The following BMPR1B variants were observed in gnomAD, a reference collection of about 807,000 sequenced individuals.
BMPR1B encodes bone morphogenetic protein receptor type 1B.
A neutral mutation model predicts 59.1 loss-of-function variants in BMPR1B; 12 were observed. The observed-to-expected ratio is 0.20, with a 90% CI of 0.13 to 0.33. The LOEUF is 0.33. Among genes scored for constraint, BMPR1B ranks in the 10% least tolerant of loss-of-function variants. BMPR1B has a pLI of 1.00. For missense variants in BMPR1B, 550 were observed against 610.9 expected (o/e 0.90, Z 1.05); for synonymous variants, 237 against 207.3 (o/e 1.14, Z -1.23).
In BMPR1B at chr4:94,963,870, A is replaced by C. The variant is rs186124792; in HGVS notation, c.-112-32170A>C. 7.2e-4 allele frequency among the ~76,000 whole-genome samples: 109 copies of C among 152,200 alleles called. 1 individual carries two copies. In the East Asian group the frequency reaches 0.014, roughly 20 times the overall value. ...ATTGTTTTCTCTATTTCTGTGAAGA[A>C]TGTCATTGATATTTTCATAGGGATT... On this transcript the variant is annotated intron_variant, in intron 2 of 12. Coordinates refer to ENST00000515059, the MANE Select transcript of BMPR1B (RefSeq NM_001203.3).
intron 3 of BMPR1B, among the ~76,000 whole-genome samples, chr4:95,041,162 T>G (rs1000702249): frequency 6.6e-6 from 1 of 152,176 alleles, no homozygotes; most frequent in African/African-American, 2.4e-5. Flanking sequence ...TCCTCCCACC[T>G]CAGCCTCCTG....
At chr4:95,032,144 G>A (rs1046738617) in intron 3 of BMPR1B, among the ~76,000 whole-genome samples, 2 of 152,054 alleles carry the variant, frequency 1.3e-5, no homozygotes, top group Non-Finnish European at 2.9e-5. Flanking sequence ...TCTGGGGACT[G>A]GGAAATGCAA....
chr4:95,132,440 G>A (rs772662624), intron 10 of BMPR1B, among the ~76,000 whole-genome samples: 6 of 152,172 alleles, frequency 3.9e-5, no homozygotes, highest in Non-Finnish European at 7.3e-5. Flanking sequence ...ACTGAAGGCT[G>A]AGGTGTGATT....
intron 1 of BMPR1B, among the ~76,000 whole-genome samples, chr4:94,866,163 C>A (rs1726231172): frequency 6.6e-6 from 1 of 152,140 alleles, no homozygotes; most frequent in South Asian, 2.1e-4. Flanking sequence ...TTTCTCATTC[C>A]TACTTAGGAG....
At chr4:94,875,809 G>GT (rs1282072657) in intron 1 of BMPR1B, 22 bp from the exon 2 acceptor site, 3 of 152,610 alleles carry the variant, frequency 2.0e-5, no homozygotes, top group Non-Finnish European at 4.4e-5. Flanking sequence ...TAGCAATTCA[G>GT]TTTTTGTCTC....
Position 95,154,667 on chromosome 4 carries a change from ACT to A in BMPR1B, c.1506_1507del (p.Ter503IlefsTer6), listed in dbSNP as rs1443065466. Reference sequence around the variant, plus strand: ...AAATGTCAGAGTCCCAGGACATTAAACTCTGATAGGAGAGGAAAAGTAAGCAT... The same window carrying A: ...AAATGTCAGAGTCCCAGGACATTAAACTGATAGGAGAGGAAAAGTAAGCAT... ...AKMSESQDIK[L>X] On this transcript the variant is annotated frameshift_variant, in exon 13 of 13. Transcript: ENST00000515059. LOFTEE classifies it high-confidence loss of function. The A allele has an allele frequency of 6.2e-7, 1 of 1,613,900 alleles. No individual in the cohort carries two copies. The highest frequency in any genetic ancestry group is 8.5e-7 in the Non-Finnish European group (1 of 1,179,952).
chr4:95,107,948 T>A (rs529541237), intron 4 of BMPR1B, among the ~76,000 whole-genome samples: 15 of 152,206 alleles, frequency 9.9e-5, no homozygotes, highest in Admixed American at 3.3e-4. Context: ...TCCAGGACTT[T>A]CTACTTCCAT....
intron 3 of BMPR1B, among the ~76,000 whole-genome samples, chr4:94,998,683 C>G (rs1722236703): frequency 6.6e-6 from 1 of 152,038 alleles, no homozygotes; most frequent in Non-Finnish European, 1.5e-5. Flanking sequence ...TGCTGCATTA[C>G]TTTTAGAAGG....
chr4:95,148,953 A>T (rs772043525), intron 11 of BMPR1B, 30 bp downstream of exon 11: 1 of 1,610,576 alleles, frequency 6.2e-7, no homozygotes, highest in Non-Finnish European at 8.5e-7. Context: ...TTGAAAAGCT[A>T]CTATTGGAGC....
At chr4:94,811,478 C>T (rs932690276) in intron 1 of BMPR1B, among the ~76,000 whole-genome samples, 6 of 152,024 alleles carry the variant, frequency 3.9e-5, no homozygotes, top group African/African-American at 1.2e-4. Flanking sequence ...GCTGTTTGCT[C>T]GAATAGCTGT....
At chr4:94,781,897 C>A (rs1722604472) in intron 1 of BMPR1B, among the ~76,000 whole-genome samples, 1 of 151,974 alleles carries the variant, frequency 6.6e-6, no homozygotes, top group South Asian at 2.1e-4. Flanking sequence ...TGCAAAGAGT[C>A]ATATTTATTT....
At chr4:95,029,968 T>G (rs1724707043) in intron 3 of BMPR1B, among the ~76,000 whole-genome samples, 1 of 151,944 alleles carries the variant, frequency 6.6e-6, no homozygotes, top group Non-Finnish European at 1.5e-5. Context: ...GGGTTGTTTG[T>G]TTTTTTCTTG....
intron 1 of BMPR1B, among the ~76,000 whole-genome samples, chr4:94,789,985 T>G (rs1722914653): frequency 1.3e-5 from 2 of 152,134 alleles, no homozygotes; most frequent in African/African-American, 4.8e-5. Flanking sequence ...ATGATCCACT[T>G]CCACTCAATG....
intron 3 of BMPR1B, among the ~76,000 whole-genome samples, chr4:95,084,755 T>C (rs1251094038): frequency 6.6e-6 from 1 of 152,216 alleles, no homozygotes; most frequent in Non-Finnish European, 1.5e-5. Context: ...TATGTTTGTC[T>C]AAGTCTTTTC....
intron 8 of BMPR1B, among the ~76,000 whole-genome samples, chr4:95,129,550 G>T (rs1733154233): frequency 1.3e-5 from 2 of 152,128 alleles, no homozygotes; most frequent in African/African-American, 4.8e-5. Context: ...ACGGGGAAGT[G>T]CAAGTATTCT....
chr4:94,934,113 T>C (rs1435609703), intron 2 of BMPR1B, among the ~76,000 whole-genome samples: 2 of 152,164 alleles, frequency 1.3e-5, no homozygotes, highest in African/African-American at 2.4e-5. Flanking sequence ...TTTGGAAATA[T>C]GTGATTTGGT....
intron 2 of BMPR1B, among the ~76,000 whole-genome samples, chr4:94,900,519 C>G (rs1032315885): frequency 3.6e-4 from 54 of 151,902 alleles, no homozygotes; most frequent in African/African-American, 1.2e-3. Flanking sequence ...CAGCTAAATA[C>G]AATGCAAGTG....
intron 3 of BMPR1B, among the ~76,000 whole-genome samples, chr4:95,054,664 A>G (rs1273162508): frequency 6.6e-6 from 1 of 152,184 alleles, no homozygotes; most frequent in Non-Finnish European, 1.5e-5. Context: ...CAATGTGTAA[A>G]CAGTACTAAA....
intron 1 of BMPR1B, among the ~76,000 whole-genome samples, chr4:94,860,039 G>C (rs4282183): frequency 0.64 from 96,813 of 151,988 alleles, 32,313 homozygotes; most frequent in African/African-American, 0.84. Flanking sequence ...CAGTGAAACT[G>C]TCCTACTGGA....
Sources: gnomAD v4.1 joint callset for allele counts (sites outside exome capture counted in the v4.1 genomes callset) on GRCh38, gnomAD v4.1.1 for gene constraint, MANE v1.5 for transcripts, NCBI Gene and HGNC (gene_info 2026-07-23, HGNC 2026-07-21) for gene names.